The following RPTOR variants were observed in gnomAD, a reference collection of about 807,000 sequenced individuals.
The protein encoded by RPTOR is regulatory associated protein of MTOR complex 1.
A neutral mutation model predicts 169.9 loss-of-function variants in RPTOR; 21 were observed. That is an observed-to-expected ratio of 0.12 (90% CI 0.09 to 0.18). The LOEUF (loss-of-function observed/expected upper bound fraction) is 0.18, where lower values mean the gene tolerates loss of function less well. RPTOR is among the 10% of genes least tolerant of loss of function. The pLI is 1.00. For missense variants in RPTOR, 1,133 were observed against 1,855.9 expected, an observed-to-expected ratio of 0.61 and a Z score of 7.16; for synonymous variants, 732 against 753.2, an observed-to-expected ratio of 0.97 and a Z score of 0.46.
intron 13 of RPTOR, among the ~76,000 whole-genome samples, chr17:80,871,119 C>G (rs191861100): frequency 6.6e-6 from 1 of 151,108 alleles, no homozygotes; most frequent in Non-Finnish European, 1.5e-5. Flanking sequence ...ATTTTTTTTT[C>G]GTTTGAGACG....
At chr17:80,704,916 A>G (rs34969384) in intron 3 of RPTOR, among the ~76,000 whole-genome samples, 26,762 of 152,296 alleles carry the variant, frequency 0.18, 3,760 homozygotes, top group African/African-American at 0.39. Flanking sequence ...TCAAGAAGGA[A>G]TTTTGTAGGA....
In RPTOR at chr17:80,945,043, C is replaced by T. The variant is rs192550098; in HGVS notation, c.3026-624C>T. The stretch of plus-strand genomic sequence containing the variant: ...CTGGCTGGGCGTATGCCCATAATCC[C>T]AACACTTGAGGAGGCCGAGGCGGGA... On this transcript the variant is annotated intron_variant, in intron 25 of 33. Coordinates refer to ENST00000306801, the MANE Select transcript of RPTOR (RefSeq NM_020761.3). Among the ~76,000 whole-genome samples, 459 of 151,710 alleles carry T rather than the reference C, an allele frequency of 3.0e-3. 1 individual carries two copies. Among genetic ancestry groups the T allele is most frequent in the Non-Finnish European group, 4.5e-3 (307 of 67,950 alleles).
chr17:80,681,625 ACCTTCAT>A (rs2143707424), intron 3 of RPTOR, among the ~76,000 whole-genome samples: 1 of 142,600 alleles, frequency 7.0e-6, no homozygotes, highest in South Asian at 2.4e-4. Flanking sequence ...CGTCTCTTAC[ACCTTCAT>A]GAGGTGTACG....
chr17:80,554,930 A>T (rs1030837677), intron 1 of RPTOR, among the ~76,000 whole-genome samples: 8 of 152,220 alleles, frequency 5.3e-5, no homozygotes, highest in Non-Finnish European at 1.2e-4. Flanking sequence ...ATTTATTTGA[A>T]TATATAATAA....
Position 80,857,784 on chromosome 17 carries a change from C to T in RPTOR, c.1399-6C>T. 6.2e-7 allele frequency: 1 copy of T among 1,606,348 alleles called. No homozygotes were observed. ...CAGGTGCGCTGACGCCCTCCCTCGCCCCCAGGCCTTGTCTGTCGGCATCTT... is the reference window on the plus strand; with the variant it reads ...CAGGTGCGCTGACGCCCTCCCTCGCTCCCAGGCCTTGTCTGTCGGCATCTT... On this transcript the variant is annotated splice_region_variant and splice_polypyrimidine_tract_variant and intron_variant, in intron 12 of 33. Transcript: ENST00000306801.
At chr17:80,656,232 G>A (rs1458073418) in intron 3 of RPTOR, among the ~76,000 whole-genome samples, 6 of 152,080 alleles carry the variant, frequency 3.9e-5, no homozygotes, top group Non-Finnish European at 1.5e-5. Context: ...CACCACACCC[G>A]GCTAATTTTT....
rs141889033 is a variant in RPTOR at position 80,702,840 on chromosome 17, A to G, written c.349-5001A>G. On this transcript the variant is annotated intron_variant, in intron 3 of 33. Transcript: ENST00000306801. ...AGCACTCCTGTTCAGGAGCAATCTC[A>G]GGAGACAGCGAATGATTTTCCTGTG... Among the ~76,000 whole-genome samples, 972 of 152,306 alleles carry G rather than the reference A, an allele frequency of 6.4e-3. 5 individuals carry two copies. The highest frequency in any genetic ancestry group is 0.014 in the Middle Eastern group (4 of 294).
At chr17:80,691,332 T>C (rs748345405) in intron 3 of RPTOR, among the ~76,000 whole-genome samples, 4 of 151,118 alleles carry the variant, frequency 2.6e-5, no homozygotes, top group Non-Finnish European at 4.4e-5. Flanking sequence ...TGCATAGGTA[T>C]GTGTGTGGTG....
chr17:80,965,083 G>C lies in RPTOR; in HGVS notation c.*753G>C, dbSNP rs2069409182. ...CAGGGGCCGCTGTGGCGGTGCACAG[G>C]GGAGGCAGGTCCTTGGCGAGGTAGC... is the stretch of plus-strand genomic sequence containing the variant. On this transcript the variant is annotated 3_prime_UTR_variant, in exon 34 of 34. Transcript: ENST00000306801. 2 of 233,196 alleles carry C rather than the reference G, an allele frequency of 8.6e-6. No individual in the cohort carries two copies. The highest frequency in any genetic ancestry group is 6.0e-5 in the East Asian group (1 of 16,590). 14.4% of individuals were successfully genotyped at this position (233,196 alleles called of 1,614,324 possible).
At chr17:80,600,537 G>A (rs1294666619) in intron 1 of RPTOR, among the ~76,000 whole-genome samples, 8 of 152,312 alleles carry the variant, frequency 5.3e-5, no homozygotes, top group African/African-American at 1.2e-4. Flanking sequence ...TGCCTGCCTC[G>A]AGTGGCTGTC....
intron 1 of RPTOR, among the ~76,000 whole-genome samples, chr17:80,620,704 T>G (rs2065347969): frequency 6.6e-6 from 1 of 152,212 alleles, no homozygotes; most frequent in Non-Finnish European, 1.5e-5. Context: ...AGGTGGAGGT[T>G]GCGGTGAGCC....
At chr17:80,799,411 T>C (rs559513669) in intron 7 of RPTOR, among the ~76,000 whole-genome samples, 10 of 152,364 alleles carry the variant, frequency 6.6e-5, no homozygotes, top group South Asian at 6.2e-4. Context: ...GCGCATACAC[T>C]AGCTGGGGCT....
intron 6 of RPTOR, among the ~76,000 whole-genome samples, chr17:80,779,364 G>A (rs1383409361): frequency 2.6e-5 from 4 of 152,222 alleles, no homozygotes; most frequent in African/African-American, 9.6e-5. Context: ...GTTTTGTCCT[G>A]TGAAAGTGTG....
intron 6 of RPTOR, among the ~76,000 whole-genome samples, chr17:80,764,910 A>G (rs2066771294): frequency 6.6e-6 from 1 of 152,204 alleles, no homozygotes; most frequent in African/African-American, 2.4e-5. Context: ...CTAAAGAGGA[A>G]ATACTTTAAA....
chr17:80,727,139 T>C (rs11871154), intron 4 of RPTOR, among the ~76,000 whole-genome samples: 31,375 of 148,982 alleles, frequency 0.21, 3,012 homozygotes, highest in Non-Finnish European at 0.22. Flanking sequence ...GCTGCACCTC[T>C]GACCACTTCC....
intron 11 of RPTOR, among the ~76,000 whole-genome samples, chr17:80,851,131 G>A (rs745444117): frequency 1.8e-4 from 27 of 152,130 alleles, no homozygotes; most frequent in Non-Finnish European, 8.8e-5. Context: ...GTTTCACCAT[G>A]TTGGGCAGGC....
intron 5 of RPTOR, chr17:80,743,361 G>A (rs2066504112): frequency 2.0e-6 from 2 of 985,366 alleles, no homozygotes; most frequent in South Asian, 4.7e-5. Flanking sequence ...CACAAGGACC[G>A]AGGGAGGCCT....
intron 1 of RPTOR, among the ~76,000 whole-genome samples, chr17:80,563,583 G>GAGA (rs1555714228): frequency 4.0e-5 from 1 of 25,088 alleles, no homozygotes; most frequent in African/African-American, 7.5e-5. Context: ...AAAAAAAAAA[G>GAGA]ATAATAAATA....
intron 3 of RPTOR, among the ~76,000 whole-genome samples, chr17:80,663,740 C>G (rs1007055427): frequency 1.3e-5 from 2 of 152,104 alleles, no homozygotes; most frequent in Non-Finnish European, 1.5e-5. Context: ...CTGAGCCCCT[C>G]CCCAGTCACA....
Sources: allele counts gnomAD v4.1 joint callset (sites outside exome capture counted in the v4.1 genomes callset), GRCh38; gene constraint gnomAD v4.1.1; transcripts MANE v1.5; gene names NCBI Gene and HGNC (gene_info 2026-07-23, HGNC 2026-07-21).